Variants in SLC26A11 observed in about 807,000 individuals in gnomAD.
The protein encoded by SLC26A11 is solute carrier family 26 member 11, also known as sodium-independent sulfate anion transporter.
A neutral mutation model predicts 62.2 loss-of-function variants in SLC26A11; 58 were observed. That is an observed-to-expected ratio of 0.93 (90% CI 0.76 to 1.16). SLC26A11 has a LOEUF of 1.16. Ranked by LOEUF, SLC26A11 falls within the 50% of genes most tolerant of loss-of-function variation. The pLI is 0.00. For synonymous variants in SLC26A11, 411 were observed against 368.9 expected (o/e 1.11, Z -1.31); for missense variants, 790 against 794.3 (o/e 0.99, Z 0.06).
At chr17:80,242,469 T>C (rs9675137) in intron 10 of SLC26A11, among the ~76,000 whole-genome samples, 1,668 of 152,226 alleles carry the variant, frequency 0.011, 25 homozygotes, top group African/African-American at 0.037. Flanking sequence ...AGGGAGCACC[T>C]AGTGCCGGGG....
At chr17:80,249,489 C>T (rs1234332325) in intron 16 of SLC26A11, among the ~76,000 whole-genome samples, 26 of 152,230 alleles carry the variant, frequency 1.7e-4, no homozygotes. Context: ...GCGGTGGCCC[C>T]CAGCCCTCCG....
At chr17:80,238,334 C>G (rs530987722) in intron 9 of SLC26A11, among the ~76,000 whole-genome samples, 4 of 152,278 alleles carry the variant, frequency 2.6e-5, no homozygotes, top group Admixed American at 2.6e-4. Flanking sequence ...GCCTGGGCAG[C>G]AGAACAAGAT....
In SLC26A11 at chr17:80,241,830, C is replaced by G; in HGVS notation, c.1036+9C>G. On this transcript the variant is annotated intron_variant, in intron 10 of 17. Coordinates refer to ENST00000361193, the MANE Select transcript of SLC26A11 (RefSeq NM_001166347.2). ...GGAGCTGCTGGCCATCGGTAAGACC[C>G]CAGCCGCGGGAAGGAAGACACCAGC... is the stretch of plus-strand genomic sequence containing the variant. 1 of 1,614,188 alleles carries G rather than the reference C, an allele frequency of 6.2e-7. No individual in the cohort carries two copies. Among genetic ancestry groups the G allele is most frequent in the Non-Finnish European group, 8.5e-7 (1 of 1,180,028 alleles).
chr17:80,249,217 T>C lies in SLC26A11; in HGVS notation c.1586T>C (p.Val529Ala). The change falls in exon 16 of 18, where the codon GTG becomes GCG. Residue 529 changes from valine to alanine, a missense_variant. Transcript: ENST00000361193. The part of the protein sequence containing the change: ...THVCSIDYTV[V>A]LGLGELLQDF... The stretch of plus-strand genomic sequence containing the variant: ...GTCTGCAGCATCGACTACACTGTGG[T>C]GCTGGGACTCGGCGAGCTCCTCCAG... The C allele has an allele frequency of 6.2e-7, 1 of 1,611,418 alleles. No individual in the cohort carries two copies. Among genetic ancestry groups the C allele is most frequent in the Non-Finnish European group, 8.5e-7 (1 of 1,179,982 alleles).
At position 80,251,345 on chromosome 17, in the gene SLC26A11, T is replaced by C; in HGVS notation, c.1673T>C (p.Val558Ala). 1 of 1,614,096 alleles carries C rather than the reference T, an allele frequency of 6.2e-7. No individual in the cohort carries two copies. The highest frequency in any genetic ancestry group is 8.5e-7 in the Non-Finnish European group (1 of 1,179,986). Residue 558 changes from valine (V) to alanine (A), a missense_variant, in exon 17 of 18, where the codon GTC becomes GCC. Transcript: ENST00000361193. Reference sequence around the variant, plus strand: ...GTCTCTCAGGTCCCCGTTCTCCGTGTCCTGCTGTCCGCTGACCTGAAGGGG... The same window carrying C: ...GTCTCTCAGGTCCCCGTTCTCCGTGCCCTGCTGTCCGCTGACCTGAAGGGG... ...FVGLQVPVLRVLLSADLKGFQ... is the reference protein window; with the variant it reads ...FVGLQVPVLRALLSADLKGFQ...
At chr17:80,247,842 G>A (rs530418700) in intron 13 of SLC26A11, among the ~76,000 whole-genome samples, 230 of 152,312 alleles carry the variant, frequency 1.5e-3, no homozygotes, top group Non-Finnish European at 2.6e-3. Context: ...CCTCAGGCCA[G>A]CTCTGTGCCC....
At chr17:80,234,652 G>A (rs1172716689) in intron 7 of SLC26A11, among the ~76,000 whole-genome samples, 3 of 152,150 alleles carry the variant, frequency 2.0e-5, no homozygotes, top group South Asian at 4.2e-4. Context: ...CTGTATTTCA[G>A]GCACCTCGAA....
chr17:80,238,064 G>A (rs1018241996), intron 9 of SLC26A11, among the ~76,000 whole-genome samples: 2 of 152,208 alleles, frequency 1.3e-5, no homozygotes, highest in African/African-American at 4.8e-5. Context: ...TGAGTTTTAA[G>A]TATTATCTTT....
Position 80,246,052 on chromosome 17 carries a change from C to G in SLC26A11, c.1098-102C>G. On this transcript the variant is annotated intron_variant, in intron 11 of 17. Coordinates refer to ENST00000361193, the MANE Select transcript of SLC26A11 (RefSeq NM_001166347.2). The surrounding 1 kb of genome is among the most constrained non-coding windows in gnomAD (Gnocchi z 4.4). ...GTCCCCGCCTGCTTCCCAAGCCGTG[C>G]TGGGAGCTGACGTCCCCTCGGAAGA... 7.1e-7 allele frequency: 1 copy of G among 1,401,142 alleles called. No homozygotes were observed. Among genetic ancestry groups the G allele is most frequent in the Non-Finnish European group, 1.0e-6 (1 of 988,078 alleles). 86.8% of individuals were successfully genotyped at this position (1,401,142 alleles called of 1,614,324 possible). A position where few individuals can be genotyped will look rare whatever the true frequency, so the allele number is the denominator to read the frequency against.
At chr17:80,224,328 TGAGTGA>T (rs1567944046) in intron 5 of SLC26A11, among the ~76,000 whole-genome samples, 1 of 146,782 alleles carries the variant, frequency 6.8e-6, no homozygotes, top group South Asian at 2.2e-4. Context: ...TGAGTGTGTA[TGAGTGA>T]GAGTGTGAGA....
intron 5 of SLC26A11, among the ~76,000 whole-genome samples, chr17:80,224,496 T>A (rs1300920647): frequency 1.3e-5 from 2 of 151,952 alleles, no homozygotes; most frequent in Non-Finnish European, 2.9e-5. Context: ...GTAGACACTT[T>A]TTGCACTCTT....
intron 10 of SLC26A11, 129 bp downstream of exon 10, chr17:80,241,950 C>T (rs2042876781): frequency 2.0e-6 from 2 of 1,009,294 alleles, no homozygotes; most frequent in South Asian, 2.6e-5. Context: ...CAAAGGTGGC[C>T]CCAGATGGGA....
Position 80,249,195 on chromosome 17 carries a change from T to G in SLC26A11, c.1564T>G (p.Cys522Gly). ...CCTGGTCCTGGAGTGCACCCATGTC[T>G]GCAGCATCGACTACACTGTGGTGCT... ...RCLVLECTHV[C>G]SIDYTVVLGL... Residue 522 changes from cysteine (C) to glycine (G), a missense_variant, in exon 16 of 18, where the codon TGC (cysteine) becomes GGC (glycine). Cys to Gly is a radical substitution (Grantham distance 159, BLOSUM62 -3). Transcript: ENST00000361193. 1.2e-6 allele frequency: 2 copies of G among 1,610,604 alleles called. No individual in the cohort carries two copies. The highest frequency in any genetic ancestry group is 1.7e-6 in the Non-Finnish European group (2 of 1,179,952).
At chr17:80,251,816 G>T (rs1414449633) in intron 17 of SLC26A11, among the ~76,000 whole-genome samples, 2 of 151,610 alleles carry the variant, frequency 1.3e-5, no homozygotes, top group Admixed American at 6.6e-5. Context: ...AGTCCACTTT[G>T]GTGATCACTC....
Position 80,246,097 on chromosome 17 carries a change from C to G in SLC26A11, c.1098-57C>G. 1 of 1,597,346 alleles carries G rather than the reference C, an allele frequency of 6.3e-7. No homozygotes were observed. Among genetic ancestry groups the G allele is most frequent in the Non-Finnish European group, 8.6e-7 (1 of 1,165,790 alleles). On this transcript the variant is annotated intron_variant, in intron 11 of 17. Transcript: ENST00000361193. This position sits in a 1 kb window ranked among gnomAD's most constrained non-coding sequence, Gnocchi z 4.4. ...GGAAGATCAGCCACAGGAGTGTGGA[C>G]TGAGGTCTCCCTTTTCCCGGCCCCT...
Position 80,222,009 on chromosome 17 carries a change from C to T in SLC26A11, c.234+215C>T, listed in dbSNP as rs1430977340. ...ACTGAGCTGGTTATGGAGGGGCCAG[C>T]GAGATGACTCATGGAGGCCTCAGGA... is the stretch of plus-strand genomic sequence containing the variant. On this transcript the variant is annotated intron_variant, in intron 3 of 17. Coordinates refer to ENST00000361193, the MANE Select transcript of SLC26A11 (RefSeq NM_001166347.2). This position sits in a 1 kb window ranked among gnomAD's most constrained non-coding sequence, Gnocchi z 4.7. The T allele has an allele frequency of 7.2e-6, 4 of 559,296 alleles. No individual in the cohort carries two copies. The highest frequency in any genetic ancestry group is 6.3e-5 in the East Asian group (2 of 31,882). The allele number at this position is 559,296 out of a possible 1,614,324, so 34.6% of individuals were successfully genotyped here. A position where few individuals can be genotyped will look rare whatever the true frequency, so the allele number is the denominator to read the frequency against.
chr17:80,239,577 G>C (rs2042802546), intron 9 of SLC26A11, among the ~76,000 whole-genome samples: 1 of 151,736 alleles, frequency 6.6e-6, no homozygotes, highest in Non-Finnish European at 1.5e-5. Context: ...TTTTAGTAGA[G>C]ACGGGGTTTC....
chr17:80,249,783 G>A (rs551571743), intron 16 of SLC26A11, among the ~76,000 whole-genome samples: 12 of 152,212 alleles, frequency 7.9e-5, no homozygotes, highest in African/African-American at 2.6e-4. Flanking sequence ...GGTGGCGAGC[G>A]CCTGTAATTC....
rs568861852 is a variant in SLC26A11 at position 80,228,675 on chromosome 17, G to C, written c.736+715G>C. ...CCCTGACGGCGCACAGCCTTCCACA[G>C]CAAACAGTGATCCGGCCCAAAATGT... On this transcript the variant is annotated intron_variant, in intron 7 of 17. Coordinates refer to ENST00000361193, the MANE Select transcript of SLC26A11 (RefSeq NM_001166347.2). This position sits in a 1 kb window ranked among gnomAD's most constrained non-coding sequence, Gnocchi z 4.1. Among the ~76,000 whole-genome samples the C allele has an allele frequency of 4.6e-5, 7 of 152,370 alleles. No homozygotes were observed. Among genetic ancestry groups the C allele is most frequent in the Non-Finnish European group, 7.3e-5 (5 of 68,034 alleles).
Sources: allele counts gnomAD v4.1 joint callset (sites outside exome capture counted in the v4.1 genomes callset), GRCh38; gene constraint gnomAD v4.1.1; non-coding constraint Gnocchi (gnomAD v3.1); transcripts MANE v1.5; gene names NCBI Gene and HGNC (gene_info 2026-07-23, HGNC 2026-07-21).